ST3GAL3: variants seen among roughly 807,000 people sequenced by gnomAD.
ST3GAL3 encodes ST3 beta-galactoside alpha-2,3-sialyltransferase 3, also known as CMP-N-acetylneuraminate-beta-1,4-galactoside alpha-2,3-sialyltransferase.
In ST3GAL3, 21 loss-of-function variants were observed where a neutral mutation model predicts 50.1. The ratio of observed to expected loss-of-function variants is 0.42; its 90% CI spans 0.30 to 0.60. ST3GAL3 has a LOEUF of 0.60. ST3GAL3 is among the 20% of genes least tolerant of loss of function. The probability of loss-of-function intolerance (pLI) is 0.19; values close to 1 mark genes in which losing one functional copy is unlikely to be tolerated. For missense variants in ST3GAL3, 353 were observed against 489.4 expected (o/e 0.72, Z 2.63); for synonymous variants, 183 against 190.0 (o/e 0.96, Z 0.30).
At chr1:43,736,404 C>T in intron 2 of ST3GAL3, 24 bp downstream of exon 2, 2 of 1,614,118 alleles carry the variant, frequency 1.2e-6, no homozygotes, top group East Asian at 2.2e-5. Flanking sequence ...CTCTAGCTCA[C>T]CCCAGGAGAA....
chr1:43,782,176 A>G (rs1335835119), intron 2 of ST3GAL3, among the ~76,000 whole-genome samples: 1 of 152,052 alleles, frequency 6.6e-6, no homozygotes, highest in African/African-American at 2.4e-5. Context: ...ATTGCTTCCC[A>G]TCTATTTCTG....
chr1:43,763,025 A>T (rs1423439701), intron 2 of ST3GAL3, among the ~76,000 whole-genome samples: 6 of 152,194 alleles, frequency 3.9e-5, no homozygotes, highest in Admixed American at 6.5e-5. Flanking sequence ...CACTTCTAGG[A>T]ATTCCCCTAC....
At chr1:43,911,474 A>AT (rs1211781180) in intron 9 of ST3GAL3, among the ~76,000 whole-genome samples, 1 of 151,082 alleles carries the variant, frequency 6.6e-6, no homozygotes, top group Non-Finnish European at 1.5e-5. Context: ...CTTCTAGGAC[A>AT]TTTTTCAAGG....
Position 43,851,284 on chromosome 1 carries a change from C to T in ST3GAL3, c.302+12973C>T, listed in dbSNP as rs1006787452. The T allele has an allele frequency of 5.7e-6, 9 of 1,579,096 alleles. No homozygotes were observed. In the Admixed American group the frequency reaches 1.3e-4, roughly 23 times the overall value. On this transcript the variant is annotated intron_variant, in intron 5 of 11. Transcript: ENST00000347631. ...AGATTTTCTTCTTGTCTGTCATGAA[C>T]CCGTGGGTCAGGTGACCCCCATCTG...
chr1:43,792,278 A>C, intron 3 of ST3GAL3, 129 bp downstream of exon 3: 2 of 1,210,932 alleles, frequency 1.7e-6, no homozygotes, highest in Middle Eastern at 1.9e-4. Flanking sequence ...AAGTCTCAAG[A>C]AGCCTTTCTA....
At chr1:43,874,361 G>A (rs1323427522) in intron 5 of ST3GAL3, among the ~76,000 whole-genome samples, 1 of 152,194 alleles carries the variant, frequency 6.6e-6, no homozygotes, top group African/African-American at 2.4e-5. Context: ...ATTGGAGACA[G>A]GCAAATGTAG....
chr1:43,757,532 A>G (rs1329015689), intron 2 of ST3GAL3, among the ~76,000 whole-genome samples: 1 of 152,160 alleles, frequency 6.6e-6, no homozygotes, highest in African/African-American at 2.4e-5. Flanking sequence ...ATTTTTCACA[A>G]AGGGGCCCAG....
chr1:43,767,824 T>TAAA (rs71579310), intron 2 of ST3GAL3, among the ~76,000 whole-genome samples: 2 of 144,266 alleles, frequency 1.4e-5, no homozygotes, highest in African/African-American at 2.5e-5. Context: ...AAAGTATAAT[T>TAAA]AAAAAAAAAA....
rs1459603195 is a variant in ST3GAL3 at position 43,875,741 on chromosome 1, C to T, written c.303-18642C>T. On this transcript the variant is annotated intron_variant, in intron 5 of 11. Transcript: ENST00000347631. ...CATGCAGAACTGTGAGTTGATTAAA[C>T]CTCTTTCCTTTATAAATGACCCAGT... Among the ~76,000 whole-genome samples, 4 of 152,110 alleles carry T rather than the reference C, an allele frequency of 2.6e-5. No homozygotes were observed. In the South Asian group the frequency reaches 8.3e-4, roughly 32 times the overall value.
At chr1:43,780,733 A>G (rs1699096539) in intron 2 of ST3GAL3, among the ~76,000 whole-genome samples, 1 of 151,514 alleles carries the variant, frequency 6.6e-6, no homozygotes, top group Non-Finnish European at 1.5e-5. Flanking sequence ...TGTTCACCTC[A>G]CCAAATATAT....
chr1:43,870,598 G>T (rs1025965964), intron 5 of ST3GAL3, among the ~76,000 whole-genome samples: 1 of 148,276 alleles, frequency 6.7e-6, no homozygotes, highest in Non-Finnish European at 1.5e-5. Context: ...TCAGGGGTTG[G>T]AACTGGAGAT....
At chr1:43,759,065 G>GCGCGCACACACACACA (rs60386464) in intron 2 of ST3GAL3, among the ~76,000 whole-genome samples, 29 of 75,452 alleles carry the variant, frequency 3.8e-4, no homozygotes, top group East Asian at 2.3e-3. Context: ...AAAAGCGCGC[G>GCGCGCACACACACACA]CACACACACA....
At chr1:43,886,135 C>CTT (rs1220768635) in intron 5 of ST3GAL3, among the ~76,000 whole-genome samples, 8 of 152,218 alleles carry the variant, frequency 5.3e-5, no homozygotes, top group Admixed American at 3.9e-4. Flanking sequence ...CATCCCAACA[C>CTT]TTTGGGAGGC....
At chr1:43,746,853 G>A (rs1683940856) in intron 2 of ST3GAL3, among the ~76,000 whole-genome samples, 1 of 150,620 alleles carries the variant, frequency 6.6e-6, no homozygotes, top group East Asian at 2.0e-4. Context: ...ACCTCTGCCT[G>A]CTGGGTTCAA....
chr1:43,744,353 G>A (rs766960875), intron 2 of ST3GAL3, among the ~76,000 whole-genome samples: 4 of 151,718 alleles, frequency 2.6e-5, no homozygotes, highest in East Asian at 1.9e-4. Context: ...GGGTTCAAGC[G>A]ATTCTCCTAC....
In ST3GAL3 at chr1:43,707,591, C is replaced by T. The variant is rs1351947074; in HGVS notation, c.-133C>T. The T allele has an allele frequency of 1.3e-5, 2 of 151,914 alleles. No homozygotes were observed. Among genetic ancestry groups the T allele is most frequent in the African/African-American group, 2.4e-5 (1 of 41,388 alleles). The allele number at this position is 151,914 out of a possible 1,614,324, so 9.4% of individuals were successfully genotyped here. ...AGCCCAGCGCGTTGTGGGCTCCCGC[C>T]GGGGTCCCCCGCGGCTGTCGCCGCC... On this transcript the variant is annotated 5_prime_UTR_variant, in exon 1 of 12. Coordinates refer to ENST00000347631, the MANE Select transcript of ST3GAL3 (RefSeq NM_006279.5).
intron 11 of ST3GAL3, chr1:43,922,034 TTC>T: frequency 3.3e-6 from 1 of 301,038 alleles, no homozygotes. Context: ...TTCTCTCACA[TTC>T]TCTTTCTCAG....
At position 43,930,706 on chromosome 1, in the gene ST3GAL3, A is replaced by C. The variant is rs2084901140; in HGVS notation, c.*485A>C. The C allele has an allele frequency of 3.8e-6, 1 of 264,962 alleles. No individual in the cohort carries two copies. Among genetic ancestry groups the C allele is most frequent in the African/African-American group, 2.2e-5 (1 of 45,336 alleles). The allele number at this position is 264,962 out of a possible 1,614,324, so 16.4% of individuals were successfully genotyped here. A position where few individuals can be genotyped will look rare whatever the true frequency, so the allele number is the denominator to read the frequency against. ...CCTGTGGGGCAGGAGTGCCAGGACC[A>C]GCCTGTACCTTGCTGTGGGGCTACA... On this transcript the variant is annotated 3_prime_UTR_variant, in exon 12 of 12. Transcript: ENST00000347631.
At chr1:43,789,336 T>C (rs2057752530) in intron 2 of ST3GAL3, among the ~76,000 whole-genome samples, 1 of 152,132 alleles carries the variant, frequency 6.6e-6, no homozygotes, top group Non-Finnish European at 1.5e-5. Flanking sequence ...GGTTGGAGGT[T>C]GGGGCAGGGA....
Sources: allele counts gnomAD v4.1 joint callset (sites outside exome capture counted in the v4.1 genomes callset), GRCh38; gene constraint gnomAD v4.1.1; transcripts MANE v1.5; gene names NCBI Gene and HGNC (gene_info 2026-07-23, HGNC 2026-07-21).